The following CEP70 variants were observed in gnomAD, a reference collection of about 807,000 sequenced individuals.
The protein encoded by CEP70 is centrosomal protein of 70 kDa.
CEP70 carries 70 observed loss-of-function variants against 90.9 expected under a neutral mutation model. The ratio of observed to expected loss-of-function variants is 0.77; its 90% CI spans 0.64 to 0.94. The LOEUF (loss-of-function observed/expected upper bound fraction) is 0.94. CEP70 is among the 40% of genes least tolerant of loss of function. CEP70 has a pLI of 0.00. For synonymous variants in CEP70, 220 were observed against 228.3 expected, an observed-to-expected ratio of 0.96 and a Z score of 0.33; for missense variants, 648 against 669.0, an observed-to-expected ratio of 0.97 and a Z score of 0.35.
chr3:138,566,758 A>G (rs1016340516), intron 6 of CEP70, among the ~76,000 whole-genome samples: 1 of 152,058 alleles, frequency 6.6e-6, no homozygotes, highest in South Asian at 2.1e-4. Flanking sequence ...GTGTATACCT[A>G]TGCAACAAAC....
chr3:138,562,699 A>C (rs2040499721), intron 6 of CEP70, among the ~76,000 whole-genome samples: 1 of 152,218 alleles, frequency 6.6e-6, no homozygotes, highest in South Asian at 2.1e-4. Context: ...AGAGCTCCTG[A>C]AGGAAGCACT....
intron 6 of CEP70, among the ~76,000 whole-genome samples, chr3:138,543,526 G>A (rs559724553): frequency 1.4e-4 from 22 of 152,314 alleles, no homozygotes; most frequent in South Asian, 1.2e-3. Context: ...CCATAAGAGC[G>A]CAGGGATGCC....
intron 6 of CEP70, among the ~76,000 whole-genome samples, chr3:138,537,944 G>A (rs1286077718): frequency 6.6e-6 from 1 of 152,070 alleles, no homozygotes; most frequent in Non-Finnish European, 1.5e-5. Flanking sequence ...CAATCCCCGG[G>A]ACCACAAAGA....
intron 11 of CEP70, among the ~76,000 whole-genome samples, chr3:138,510,360 G>C (rs989070719): frequency 1.3e-5 from 2 of 152,066 alleles, no homozygotes; most frequent in Non-Finnish European, 2.9e-5. Flanking sequence ...CTGAACCTGG[G>C]AGGCAGGGGT....
chr3:138,564,694 A>T (rs1230125062), intron 6 of CEP70, among the ~76,000 whole-genome samples: 2 of 152,190 alleles, frequency 1.3e-5, no homozygotes, highest in Admixed American at 1.3e-4. Context: ...GATCGAACGT[A>T]TCTCAAAATA....
In CEP70 at chr3:138,530,581, T is replaced by C. The variant is rs567118895; in HGVS notation, c.693-1119A>G. The stretch of plus-strand genomic sequence containing the variant: ...GGACAAGCAGAGAAGCTTTTGCCAC[T>C]GCGAGAGGCCCATGTCCCACCTGTC... On this transcript the variant is annotated intron_variant, in intron 8 of 17. Transcript: ENST00000264982. The C allele has an allele frequency of 7.4e-5, 73 of 985,416 alleles. 1 individual carries two copies. In the African/African-American group the frequency reaches 1.2e-3, roughly 17 times the overall value. The allele number at this position is 985,416 out of a possible 1,614,324, so 61.0% of individuals were successfully genotyped here. A position where few individuals can be genotyped will look rare whatever the true frequency, so the allele number is the denominator to read the frequency against.
In CEP70 at chr3:138,566,699, T is replaced by C. The variant is rs371749566; in HGVS notation, c.465+3619A>G. Among the ~76,000 whole-genome samples, 5 of 151,816 alleles carry C rather than the reference T, an allele frequency of 3.3e-5. No homozygotes were observed. In the East Asian group the frequency reaches 9.7e-4, roughly 29 times the overall value. ...AGGGGAGGGATAGCATTAGGAGAAA[T>C]ACCTAATGTAGATGACGGGTTGATG... On this transcript the variant is annotated intron_variant, in intron 6 of 17. Coordinates refer to ENST00000264982, the MANE Select transcript of CEP70 (RefSeq NM_024491.4).
At chr3:138,496,151 CCA>C (rs2033939282) in intron 17 of CEP70, 6 of 985,358 alleles carry the variant, frequency 6.1e-6, no homozygotes, top group African/African-American at 1.7e-5. Flanking sequence ...CTCTAGATAC[CCA>C]CACTTTTTTC....
At chr3:138,580,450 T>A (rs586946) in intron 2 of CEP70, among the ~76,000 whole-genome samples, 89,899 of 152,042 alleles carry the variant, frequency 0.59, 27,138 homozygotes, top group East Asian at 0.95. Context: ...AAACCACAGC[T>A]TTACTGAGCT....
At chr3:138,520,111 T>G (rs1024388744) in intron 11 of CEP70, among the ~76,000 whole-genome samples, 4 of 152,158 alleles carry the variant, frequency 2.6e-5, no homozygotes, top group Non-Finnish European at 5.9e-5. Context: ...GGTAAAGGCA[T>G]CAATTCAACA....
chr3:138,557,616 T>A (rs2040109755), intron 6 of CEP70, among the ~76,000 whole-genome samples: 1 of 152,166 alleles, frequency 6.6e-6, no homozygotes, highest in African/African-American at 2.4e-5. Flanking sequence ...GTCCCTGACT[T>A]CCCACAACAA....
chr3:138,527,468 G>A (rs2037381017), intron 10 of CEP70, among the ~76,000 whole-genome samples: 1 of 151,868 alleles, frequency 6.6e-6, no homozygotes, highest in East Asian at 1.9e-4. Context: ...GCCGAGGCGG[G>A]CGGATCACGA....
intron 6 of CEP70, among the ~76,000 whole-genome samples, chr3:138,569,989 A>G (rs2041052880): frequency 6.6e-6 from 1 of 152,220 alleles, no homozygotes; most frequent in Non-Finnish European, 1.5e-5. Context: ...ACGGATATAA[A>G]TTTTGGATCC....
intron 2 of CEP70, among the ~76,000 whole-genome samples, chr3:138,584,106 G>A (rs2041992853): frequency 6.6e-6 from 1 of 151,940 alleles, no homozygotes; most frequent in African/African-American, 2.4e-5. Flanking sequence ...CAATACTGCA[G>A]AAATACAAAG....
chr3:138,536,785 A>T (rs2038299969), intron 7 of CEP70: 1 of 151,726 alleles, frequency 6.6e-6, no homozygotes, highest in African/African-American at 2.4e-5. Flanking sequence ...TTCCCTCCAA[A>T]ATATATAGTC....
At chr3:138,528,853 G>A (rs895251040) in intron 10 of CEP70, among the ~76,000 whole-genome samples, 16 of 152,110 alleles carry the variant, frequency 1.1e-4, no homozygotes, top group East Asian at 1.9e-4. Context: ...ATAGCCAGCC[G>A]TCGTGGTGTG....
At position 138,514,533 on chromosome 3, in the gene CEP70, T is replaced by G. The variant is rs527565630; in HGVS notation, c.945-5989A>C. The stretch of plus-strand genomic sequence containing the variant: ...GTTTTAATTATTTCCCCAGCATCAG[T>G]AGTACTTTGAAAAAATATTCTACCT... On this transcript the variant is annotated intron_variant, in intron 11 of 17. Coordinates refer to ENST00000264982, the MANE Select transcript of CEP70 (RefSeq NM_024491.4). 5.9e-5 allele frequency among the ~76,000 whole-genome samples: 9 copies of G among 152,240 alleles called. No individual in the cohort carries two copies. The South Asian group carries it at 1.9e-3, about 32-fold the overall frequency.
intron 11 of CEP70, among the ~76,000 whole-genome samples, chr3:138,524,439 G>A (rs578124471): frequency 6.6e-6 from 1 of 152,248 alleles, no homozygotes; most frequent in South Asian, 2.1e-4. Flanking sequence ...TGAACAGAAT[G>A]AACAGAGTGA....
intron 6 of CEP70, among the ~76,000 whole-genome samples, chr3:138,542,120 G>C (rs1395374450): frequency 6.6e-6 from 1 of 152,232 alleles, no homozygotes; most frequent in Admixed American, 6.5e-5. Context: ...AGAGCAGTGA[G>C]GGGTGTGTGA....
Sources: gnomAD v4.1 joint callset for allele counts (sites outside exome capture counted in the v4.1 genomes callset) on GRCh38, gnomAD v4.1.1 for gene constraint, MANE v1.5 for transcripts, NCBI Gene and HGNC (gene_info 2026-07-23, HGNC 2026-07-21) for gene names.